The following PDE10A variants were observed in gnomAD, a reference collection of about 807,000 sequenced individuals.
PDE10A encodes phosphodiesterase 10A, also known as cAMP and cAMP-inhibited cGMP 3',5'-cyclic phosphodiesterase 10A.
Under a neutral mutation model 97.7 loss-of-function variants are expected in PDE10A, and 39 were observed. The ratio of observed to expected loss-of-function variants is 0.40; its 90% CI spans 0.31 to 0.52. PDE10A has a LOEUF of 0.52. PDE10A is among the 20% of genes least tolerant of loss of function. The probability of loss-of-function intolerance (pLI) is 0.56; values close to 1 mark genes in which losing one functional copy is unlikely to be tolerated. For synonymous variants in PDE10A, 371 were observed against 376.8 expected (o/e 0.98, Z 0.18); for missense variants, 731 against 1,047.8 (o/e 0.70, Z 4.17).
chr6:165,564,970 ACT>A (rs1784704300), intron 1 of PDE10A, among the ~76,000 whole-genome samples: 1 of 152,194 alleles, frequency 6.6e-6, no homozygotes, highest in African/African-American at 2.4e-5. Flanking sequence ...TTTAAAAATA[ACT>A]CAACTATATG....
chr6:165,402,042 T>C (rs1466638570), intron 13 of PDE10A, among the ~76,000 whole-genome samples: 1 of 152,172 alleles, frequency 6.6e-6, no homozygotes, highest in Non-Finnish European at 1.5e-5. Context: ...GTAACTATAC[T>C]AGGCAGTAAA....
intron 13 of PDE10A, among the ~76,000 whole-genome samples, chr6:165,412,063 G>A (rs911230244): frequency 6.6e-6 from 1 of 151,264 alleles, no homozygotes; most frequent in Non-Finnish European, 1.5e-5. Flanking sequence ...CTATCAAAAT[G>A]TTATAATAGT....
intron 1 of PDE10A, among the ~76,000 whole-genome samples, chr6:165,642,263 C>T (rs1415831230): frequency 6.6e-6 from 1 of 152,170 alleles, no homozygotes; most frequent in Non-Finnish European, 1.5e-5. Context: ...TCCCTAGATG[C>T]CCCGGATGAA....
At chr6:165,410,242 G>A (rs1787634660) in intron 13 of PDE10A, among the ~76,000 whole-genome samples, 1 of 152,126 alleles carries the variant, frequency 6.6e-6, no homozygotes, top group Non-Finnish European at 1.5e-5. Flanking sequence ...TATTAAAGGT[G>A]AACTTCAGTA....
chr6:165,811,845 TTTTA>T (rs1313530034), intron 1 of PDE10A, among the ~76,000 whole-genome samples: 1 of 151,934 alleles, frequency 6.6e-6, no homozygotes, highest in East Asian at 1.9e-4. Context: ...AGCCAGTGTC[TTTTA>T]TTTTTTATTT....
At chr6:165,809,749 T>C (rs1779228919) in intron 1 of PDE10A, among the ~76,000 whole-genome samples, 1 of 152,190 alleles carries the variant, frequency 6.6e-6, no homozygotes, top group Non-Finnish European at 1.5e-5. Flanking sequence ...GCATGGTCCC[T>C]TCCCAGCCCT....
chr6:165,934,274 A>G (rs938776500), intron 1 of PDE10A, among the ~76,000 whole-genome samples: 5 of 149,450 alleles, frequency 3.3e-5, no homozygotes, highest in Non-Finnish European at 5.9e-5. Flanking sequence ...TGCTGAGATT[A>G]CAGGTGTGAG....
At chr6:165,769,793 C>T (rs944739748) in intron 1 of PDE10A, among the ~76,000 whole-genome samples, 5 of 152,196 alleles carry the variant, frequency 3.3e-5, no homozygotes, top group African/African-American at 4.8e-5. Context: ...ATTGGTGCTC[C>T]GTTTTGAGAA....
At chr6:165,882,933 A>AT (rs1271382918) in intron 1 of PDE10A, among the ~76,000 whole-genome samples, 1 of 152,162 alleles carries the variant, frequency 6.6e-6, no homozygotes, top group Admixed American at 6.5e-5. Context: ...TATCACAATT[A>AT]GAAATTAAAA....
intron 1 of PDE10A, among the ~76,000 whole-genome samples, chr6:165,967,268 AG>A (rs1321218138): frequency 7.2e-5 from 11 of 152,334 alleles, no homozygotes; most frequent in African/African-American, 2.6e-4. Context: ...AGGCCGAGGC[AG>A]GCAGATCACC....
intron 5 of PDE10A, among the ~76,000 whole-genome samples, chr6:165,438,800 A>T (rs756229339): frequency 6.6e-6 from 1 of 151,994 alleles, no homozygotes; most frequent in African/African-American, 2.4e-5. Flanking sequence ...TCTACAAAAA[A>T]TAAAAACATT....
At chr6:165,780,636 G>A (rs1778317314) in intron 1 of PDE10A, 1 of 152,204 alleles carries the variant, frequency 6.6e-6, no homozygotes, top group South Asian at 2.1e-4. Flanking sequence ...TCATCTAGGA[G>A]GTTTGGACCA....
intron 3 of PDE10A, among the ~76,000 whole-genome samples, chr6:165,475,253 G>T (rs1362872805): frequency 6.6e-6 from 1 of 152,094 alleles, no homozygotes. Context: ...TTAATCTGTA[G>T]AATATATGGT....
At chr6:165,759,331 G>A (rs532376257) in intron 1 of PDE10A, among the ~76,000 whole-genome samples, 7 of 152,320 alleles carry the variant, frequency 4.6e-5, no homozygotes, top group African/African-American at 1.7e-4. Context: ...TACAAGGCCA[G>A]GGACAGCGTT....
intron 1 of PDE10A, among the ~76,000 whole-genome samples, chr6:165,968,108 T>C (rs892563674): frequency 1.3e-5 from 2 of 152,166 alleles, no homozygotes; most frequent in Non-Finnish European, 2.9e-5. Context: ...TGGTATTAGG[T>C]GAGTTGGTGG....
chr6:165,347,800 G>A (rs546712474), intron 18 of PDE10A, among the ~76,000 whole-genome samples: 15 of 152,270 alleles, frequency 9.9e-5, no homozygotes, highest in African/African-American at 3.6e-4. Context: ...GCTGGAGGCT[G>A]CTGCCACATT....
At chr6:165,973,908 C>T (rs1047379259) in intron 1 of PDE10A, among the ~76,000 whole-genome samples, 2 of 152,150 alleles carry the variant, frequency 1.3e-5, no homozygotes, top group African/African-American at 4.8e-5. Context: ...AAAACTAAAG[C>T]ATTTTGCATA....
At chr6:165,827,901 C>T (rs4709092) in intron 1 of PDE10A, among the ~76,000 whole-genome samples, 145,571 of 152,292 alleles carry the variant, frequency 0.96, 69,590 homozygotes, top group East Asian at 1. Context: ...TAAGAACATA[C>T]GATGTTTGGT....
rs574855656 is a variant in PDE10A at position 165,396,100 on chromosome 6, T to G, written c.2219+217A>C. Among the ~76,000 whole-genome samples the G allele has an allele frequency of 5.9e-5, 9 of 152,190 alleles. No homozygotes were observed. The South Asian group carries it at 1.9e-3, about 32-fold the overall frequency. ...TAGGTTAACTCATTTCAAAACTGAG[T>G]TCAGATTTTCTTTTTTAAGGTAATG... On this transcript the variant is annotated intron_variant, in intron 14 of 21. Transcript: ENST00000539869.
Sources: allele counts gnomAD v4.1 joint callset (sites outside exome capture counted in the v4.1 genomes callset), GRCh38; gene constraint gnomAD v4.1.1; transcripts MANE v1.5; gene names NCBI Gene and HGNC (gene_info 2026-07-23, HGNC 2026-07-21).